The following TENM1 variants were observed in gnomAD, a reference collection of about 807,000 sequenced individuals.
The protein encoded by TENM1 is teneurin-1.
A neutral mutation model predicts 174.8 loss-of-function variants in TENM1; 35 were observed. The observed-to-expected ratio is 0.20, with a 90% CI of 0.15 to 0.27. The LOEUF is 0.27. Among genes scored for constraint, TENM1 ranks in the 10% least tolerant of loss-of-function variants. The pLI, the probability that TENM1 is intolerant of heterozygous loss-of-function variation, is 1.00. For synonymous variants in TENM1, 781 were observed against 798.7 expected, an observed-to-expected ratio of 0.98 and a Z score of 0.37; for missense variants, 1,633 against 2,130.1, an observed-to-expected ratio of 0.77 and a Z score of 4.59.
chrX:124,753,240 T>C (rs1260641837), intron 3 of TENM1, among the ~76,000 whole-genome samples: 7 of 110,737 alleles, frequency 6.3e-5, no homozygotes, highest in South Asian at 3.9e-4. Context: ...ATTTTATTCT[T>C]TTTGAAGCAG....
intron 1 of TENM1, among the ~76,000 whole-genome samples, chrX:124,916,259 T>C (rs767972561): frequency 1.2e-4 from 13 of 112,048 alleles, no homozygotes; most frequent in African/African-American, 3.9e-4. Flanking sequence ...GCCAATCATA[T>C]TTCCCACCTG....
rs1304322718 is a variant in TENM1, at chrX:124,845,842, G to A, written c.535+48454C>T. On this transcript the variant is annotated intron_variant, in intron 3 of 31. Transcript: ENST00000422452. ...GGGTTATGGGTGAGTGGATAGGGTG[G>A]GGGTCAGGGAGAAGAGAGGAGAGTA... is the stretch of plus-strand genomic sequence containing the variant. Among the ~76,000 whole-genome samples, 6 of 110,096 alleles carry A rather than the reference G, an allele frequency of 5.4e-5. No homozygotes were observed. In the East Asian group the frequency reaches 1.7e-3, roughly 32 times the overall value.
In TENM1 at chrX:124,573,534, G is replaced by A. The variant is rs906151291; in HGVS notation, c.2078-7974C>T. On this transcript the variant is annotated intron_variant, in intron 11 of 31. Coordinates refer to ENST00000422452, the Ensembl canonical transcript of TENM1. The stretch of plus-strand genomic sequence containing the variant: ...AAAAGAGAATCAGTAAAAAACAACT[G>A]TCTTTAGAACTGACTGTTCTATTGA... 2.7e-5 allele frequency among the ~76,000 whole-genome samples: 3 copies of A among 111,855 alleles called. No homozygotes were observed. In the South Asian group the frequency reaches 1.1e-3, roughly 41 times the overall value.
intron 16 of TENM1, among the ~76,000 whole-genome samples, chrX:124,524,173 G>A (rs1454172609): frequency 1.8e-5 from 2 of 111,352 alleles, no homozygotes; most frequent in Admixed American, 1.9e-4. Flanking sequence ...ACTGCGCCCA[G>A]CCTGTAAACC....
chrX:124,466,390 G>A (rs1044646704), intron 22 of TENM1, among the ~76,000 whole-genome samples: 9 of 112,196 alleles, frequency 8.0e-5, no homozygotes, highest in African/African-American at 2.6e-4. Context: ...AGACGCCATT[G>A]TTACAACTAC....
chrX:124,784,825 G>T (rs959369968), intron 3 of TENM1, among the ~76,000 whole-genome samples: 1 of 111,041 alleles, frequency 9.0e-6, no homozygotes, highest in Non-Finnish European at 1.9e-5. Context: ...AAAATTGAGG[G>T]TGTGGGAGTT....
chrX:124,434,612 C>T (rs1009179055), intron 23 of TENM1, among the ~76,000 whole-genome samples: 5 of 112,441 alleles, frequency 4.4e-5, no homozygotes, highest in Non-Finnish European at 9.4e-5. Flanking sequence ...TCTGAAGCCT[C>T]AATTTTGGAA....
intron 22 of TENM1, among the ~76,000 whole-genome samples, chrX:124,463,878 GA>G (rs1351670661): frequency 1.5e-4 from 13 of 84,841 alleles, no homozygotes; most frequent in Non-Finnish European, 3.0e-4. Context: ...TGTGTGTGTG[GA>G]GAGAGAGAGA....
chrX:124,398,351 T>C (rs753417644), intron 27 of TENM1, among the ~76,000 whole-genome samples: 1 of 111,331 alleles, frequency 9.0e-6, no homozygotes, highest in African/African-American at 3.3e-5. Context: ...GATTTTTTTT[T>C]TTATTGGTAT....
At chrX:124,963,890 A>G, upstream of TENM1, 1 of 515,801 alleles carries the variant, frequency 1.9e-6, no homozygotes, top group East Asian at 3.4e-5. Context: ...TGGCAGATTC[A>G]CAATTGGTCC....
exon 24 of TENM1, chrX:124,422,426 ACTGATG>A (rs2060664383): frequency 8.3e-7 from 1 of 1,209,473 alleles, no homozygotes. Context: ...TGTGGGAGAC[ACTGATG>A]GCCCTCGCTG....
chrX:125,037,609 T>C, the TENM1 span, among the ~76,000 whole-genome samples: 1 of 111,449 alleles, frequency 9.0e-6, no homozygotes, highest in African/African-American at 3.2e-5. Flanking sequence ...TTTTATAAGC[T>C]ATTGTGCCAA....
At chrX:124,886,066 A>G (rs1004268316) in intron 3 of TENM1, among the ~76,000 whole-genome samples, 11 of 112,047 alleles carry the variant, frequency 9.8e-5, no homozygotes, top group Middle Eastern at 4.2e-3. Flanking sequence ...AGTCCTAACT[A>G]TGGCAATTGA....
At chrX:124,590,616 C>A (rs1274438859) in intron 11 of TENM1, among the ~76,000 whole-genome samples, 5 of 111,720 alleles carry the variant, frequency 4.5e-5, no homozygotes, top group Non-Finnish European at 9.4e-5. Flanking sequence ...GGTATGATTG[C>A]AATTTTTCTG....
chrX:124,687,073 A>G (rs1444917356), intron 5 of TENM1, among the ~76,000 whole-genome samples: 1 of 111,916 alleles, frequency 8.9e-6, no homozygotes, highest in African/African-American at 3.2e-5. Context: ...GCAAAGTCTC[A>G]GGATACAAAA....
At chrX:124,841,741 G>A (rs900849280) in intron 3 of TENM1, among the ~76,000 whole-genome samples, 2 of 110,930 alleles carry the variant, frequency 1.8e-5, no homozygotes, top group African/African-American at 6.6e-5. Flanking sequence ...CACCTCAGAT[G>A]CTCTCAAACC....
chrX:124,483,721 A>T (rs1157161447), intron 21 of TENM1, among the ~76,000 whole-genome samples: 1 of 111,932 alleles, frequency 8.9e-6, no homozygotes, highest in African/African-American at 3.3e-5. Flanking sequence ...TGTTCTAGAG[A>T]CCTACTTGTG....
intron 22 of TENM1, among the ~76,000 whole-genome samples, chrX:124,458,872 T>C (rs1224923039): frequency 8.9e-6 from 1 of 112,473 alleles, no homozygotes; most frequent in Non-Finnish European, 1.9e-5. Context: ...AACCACTATT[T>C]TTCTTAAAGC....
chrX:124,820,727 C>T (rs1261312598), intron 3 of TENM1, among the ~76,000 whole-genome samples: 1 of 112,282 alleles, frequency 8.9e-6, no homozygotes, highest in Non-Finnish European at 1.9e-5. Context: ...TGAACTCCCT[C>T]ATAGTGCAGG....
Sources: gnomAD v4.1 joint callset for allele counts (sites outside exome capture counted in the v4.1 genomes callset) on GRCh38, gnomAD v4.1.1 for gene constraint, MANE v1.5 for transcripts, NCBI Gene and HGNC (gene_info 2026-07-23, HGNC 2026-07-21) for gene names.